The following OTUD7A variants were observed in gnomAD, a reference collection of about 807,000 sequenced individuals.
OTUD7A encodes the protein OTU deubiquitinase 7A.
A neutral mutation model predicts 65.7 loss-of-function variants in OTUD7A; 12 were observed. The observed-to-expected ratio is 0.18, with a 90% CI of 0.12 to 0.30. OTUD7A has a LOEUF of 0.30. OTUD7A is among the 10% of genes least tolerant of loss of function. The pLI is 1.00. For missense variants in OTUD7A, 1,148 were observed against 1,304.8 expected, an observed-to-expected ratio of 0.88 and a Z score of 1.85; for synonymous variants, 641 against 586.3, an observed-to-expected ratio of 1.09 and a Z score of -1.35.
chr15:31,478,124 C>G lies in OTUD7A; in HGVS notation c.*5170G>C, dbSNP rs2041052150. The G allele has an allele frequency of 6.6e-6, 1 of 152,214 alleles. No homozygotes were observed. Among genetic ancestry groups the G allele is most frequent in the Non-Finnish European group, 1.5e-5 (1 of 68,062 alleles). 9.4% of individuals were successfully genotyped at this position (152,214 alleles called of 1,614,324 possible). On this transcript the variant is annotated 3_prime_UTR_variant, in exon 13 of 13. Transcript: ENST00000307050. Reference sequence around the variant, plus strand: ...GGCAGAGCAGCAGGCAGAAGAAGTACTGGGATGGGAGAGGCCTTTGTAAGG... The same window carrying G: ...GGCAGAGCAGCAGGCAGAAGAAGTAGTGGGATGGGAGAGGCCTTTGTAAGG...
At chr15:31,527,458 C>G in intron 6 of OTUD7A, 150 bp from the exon 7 acceptor site, 1 of 1,051,230 alleles carries the variant, frequency 9.5e-7, no homozygotes, top group Non-Finnish European at 1.3e-6. Flanking sequence ...TAATTCCCCT[C>G]CAGCCTTCTT....
intron 3 of OTUD7A, among the ~76,000 whole-genome samples, chr15:31,580,738 T>C (rs1889347108): frequency 6.6e-6 from 1 of 152,264 alleles, no homozygotes; most frequent in Admixed American, 6.5e-5. Flanking sequence ...TTTACTACCA[T>C]GAGAACAGTA....
intron 3 of OTUD7A, among the ~76,000 whole-genome samples, chr15:31,585,251 T>G (rs1889494635): frequency 6.6e-6 from 1 of 152,222 alleles, no homozygotes; most frequent in African/African-American, 2.4e-5. Flanking sequence ...CTGCGTAATT[T>G]GGGAACAGCC....
chr15:31,595,772 C>A (rs755434443), intron 3 of OTUD7A, among the ~76,000 whole-genome samples: 6 of 152,226 alleles, frequency 3.9e-5, no homozygotes, highest in Admixed American at 1.3e-4. Flanking sequence ...CTTCCAGCCT[C>A]CTTCAGGTGT....
rs552015046 is a variant in OTUD7A, at chr15:31,816,204, A to T, written c.-100+54303T>A. 2.4e-4 allele frequency among the ~76,000 whole-genome samples: 37 copies of T among 152,318 alleles called. No homozygotes were observed. In the East Asian group the frequency reaches 6.8e-3, roughly 28 times the overall value. On this transcript the variant is annotated intron_variant, in intron 1 of 12. Transcript: ENST00000307050. The stretch of plus-strand genomic sequence containing the variant: ...GCTTTTCATCCAATCACTCTGTGGT[A>T]ACATCAAACCTTGGGTAGAGGGCCC...
chr15:31,512,703 T>G (rs1379354587), intron 8 of OTUD7A, among the ~76,000 whole-genome samples: 1 of 152,196 alleles, frequency 6.6e-6, no homozygotes, highest in Admixed American at 6.5e-5. Context: ...ACTTGTGGAA[T>G]GTTGAGAAAG....
At chr15:31,584,960 G>A (rs188810102) in intron 3 of OTUD7A, among the ~76,000 whole-genome samples, 38 of 152,284 alleles carry the variant, frequency 2.5e-4, no homozygotes, top group Admixed American at 4.6e-4. Flanking sequence ...AGTCTTTAAG[G>A]TATAGTTTAT....
chr15:31,765,891 A>C, intron 1 of OTUD7A: 1 of 1,272,130 alleles, frequency 7.9e-7, no homozygotes, highest in Non-Finnish European at 1.1e-6. Context: ...AAACTATTTT[A>C]GTTTTTTTCT....
At chr15:31,682,254 T>G (rs1181790458) in intron 1 of OTUD7A, among the ~76,000 whole-genome samples, 1 of 152,120 alleles carries the variant, frequency 6.6e-6, no homozygotes, top group South Asian at 2.1e-4. Flanking sequence ...TTGACCTAAA[T>G]AGAGAGATGT....
At chr15:31,854,131 G>T (rs982252615) in intron 1 of OTUD7A, among the ~76,000 whole-genome samples, 14 of 152,226 alleles carry the variant, frequency 9.2e-5, no homozygotes, top group Admixed American at 8.5e-4. Flanking sequence ...TGGCAGGGCT[G>T]CATTCCTTCT....
chr15:31,793,675 ACT>A (rs1342896872), intron 1 of OTUD7A, among the ~76,000 whole-genome samples: 1 of 152,238 alleles, frequency 6.6e-6, no homozygotes, highest in Non-Finnish European at 1.5e-5. Flanking sequence ...GTCCCATCGT[ACT>A]GTCATTCATA....
chr15:31,654,038 T>C (rs1242448403), intron 3 of OTUD7A, among the ~76,000 whole-genome samples: 1 of 98,418 alleles, frequency 1.0e-5, no homozygotes, highest in Admixed American at 1.2e-4. Context: ...TATCTCATAG[T>C]TGATAAGTGG....
chr15:31,675,249 T>C (rs1892571000), intron 1 of OTUD7A, among the ~76,000 whole-genome samples: 1 of 152,158 alleles, frequency 6.6e-6, no homozygotes, highest in Non-Finnish European at 1.5e-5. Context: ...GGTGCTTGGT[T>C]GTGGGGGTTA....
intron 1 of OTUD7A, among the ~76,000 whole-genome samples, chr15:31,815,347 T>C (rs1896520618): frequency 6.6e-6 from 1 of 152,338 alleles, no homozygotes; most frequent in Admixed American, 6.5e-5. Context: ...CCAGAGCCAC[T>C]GTCAACTCCT....
intron 8 of OTUD7A, among the ~76,000 whole-genome samples, chr15:31,520,584 G>A (rs935758806): frequency 2.6e-5 from 4 of 152,186 alleles, no homozygotes; most frequent in African/African-American, 9.7e-5. Flanking sequence ...TTGGACATTG[G>A]CCTATGCAAA....
At chr15:31,782,020 G>A (rs778064538) in intron 1 of OTUD7A, among the ~76,000 whole-genome samples, 17 of 152,136 alleles carry the variant, frequency 1.1e-4, no homozygotes, top group Non-Finnish European at 1.9e-4. Context: ...TTTCTTTTAT[G>A]AACTGTTTAT....
At chr15:31,861,330 G>A (rs1237553018) in intron 1 of OTUD7A, among the ~76,000 whole-genome samples, 1 of 152,176 alleles carries the variant, frequency 6.6e-6, no homozygotes, top group Non-Finnish European at 1.5e-5. Context: ...GGCATGGAAA[G>A]AGTCTAATGT....
At chr15:31,794,724 G>A (rs560896946) in intron 1 of OTUD7A, among the ~76,000 whole-genome samples, 85 of 151,930 alleles carry the variant, frequency 5.6e-4, no homozygotes, top group Non-Finnish European at 1.0e-3. Context: ...CCAGCCCACC[G>A]TCTGGGGGAT....
chr15:31,850,103 A>T (rs1897383905), intron 1 of OTUD7A, among the ~76,000 whole-genome samples: 1 of 152,198 alleles, frequency 6.6e-6, no homozygotes, highest in Non-Finnish European at 1.5e-5. Flanking sequence ...ATAAAGACAC[A>T]TGCACATGTA....
Sources: gnomAD v4.1 joint callset for allele counts (sites outside exome capture counted in the v4.1 genomes callset) on GRCh38, gnomAD v4.1.1 for gene constraint, MANE v1.5 for transcripts, NCBI Gene and HGNC (gene_info 2026-07-23, HGNC 2026-07-21) for gene names.